DNAAF9: variants seen among roughly 807,000 people sequenced by gnomAD.
DNAAF9 encodes shulin.
Under a neutral mutation model 167.0 loss-of-function variants are expected in DNAAF9, and 90 were observed. The ratio of observed to expected loss-of-function variants is 0.54; its 90% CI spans 0.45 to 0.64. The LOEUF (loss-of-function observed/expected upper bound fraction) is 0.64. Among genes scored for constraint, DNAAF9 ranks in the 30% least tolerant of loss-of-function variants. The pLI, the probability that DNAAF9 is intolerant of heterozygous loss-of-function variation, is 0.00. For missense variants in DNAAF9, 1,315 were observed against 1,442.2 expected, an observed-to-expected ratio of 0.91 and a Z score of 1.43; for synonymous variants, 491 against 508.8, an observed-to-expected ratio of 0.96 and a Z score of 0.47.
intron 1 of DNAAF9, among the ~76,000 whole-genome samples, chr20:3,401,364 C>A (rs1407587485): frequency 1.3e-5 from 2 of 152,006 alleles, no homozygotes; most frequent in Non-Finnish European, 2.9e-5. Context: ...CGTCACTAGG[C>A]CTAATTTTTG....
chr20:3,300,197 C>G (rs375091904), intron 21 of DNAAF9, among the ~76,000 whole-genome samples: 1 of 152,120 alleles, frequency 6.6e-6, no homozygotes, highest in Admixed American at 6.6e-5. Context: ...AGCCACTGCG[C>G]CCGGCAGCGT....
At chr20:3,312,804 C>T (rs2123022604) in intron 20 of DNAAF9, among the ~76,000 whole-genome samples, 1 of 152,280 alleles carries the variant, frequency 6.6e-6, no homozygotes, top group South Asian at 2.1e-4. Flanking sequence ...AAATGCTTAT[C>T]CACAGGAAGG....
At chr20:3,371,907 T>C (rs1007302812) in intron 6 of DNAAF9, among the ~76,000 whole-genome samples, 3 of 152,062 alleles carry the variant, frequency 2.0e-5, no homozygotes, top group African/African-American at 7.2e-5. Context: ...AAGGAGGAAG[T>C]TAGAGGCAGA....
chr20:3,265,701 G>C (rs1246397883), intron 30 of DNAAF9, among the ~76,000 whole-genome samples: 4 of 144,476 alleles, frequency 2.8e-5, no homozygotes, highest in Admixed American at 7.0e-5. Flanking sequence ...TTTTGAGACA[G>C]AGTTTCGCTC....
At chr20:3,402,722 C>T (rs1037234592) in intron 1 of DNAAF9, among the ~76,000 whole-genome samples, 2 of 152,092 alleles carry the variant, frequency 1.3e-5, no homozygotes, top group East Asian at 1.9e-4. Flanking sequence ...GAATCACAGG[C>T]GCATGCCACC....
intron 16 of DNAAF9, among the ~76,000 whole-genome samples, 183 bp downstream of exon 16, chr20:3,322,034 C>T (rs1289943663): frequency 6.6e-6 from 1 of 152,208 alleles, no homozygotes; most frequent in Non-Finnish European, 1.5e-5. Context: ...CCTAGCACAG[C>T]TACCTGGGTA....
chr20:3,322,115 G>C lies in DNAAF9; in HGVS notation c.1356+102C>G, dbSNP rs754055529. 3.0e-5 allele frequency: 23 copies of C among 760,034 alleles called. No individual in the cohort carries two copies. The Middle Eastern group carries it at 9.7e-4, about 32-fold the overall frequency. 47.1% of individuals were successfully genotyped at this position (760,034 alleles called of 1,614,324 possible). A position where few individuals can be genotyped will look rare whatever the true frequency, so the allele number is the denominator to read the frequency against. On this transcript the variant is annotated intron_variant, in intron 16 of 36. Transcript: ENST00000252032. ...TGAGAGAAGATCAGCTTCTTCAGGT[G>C]GGGTGGGCTGCCCAAGACCCCCACC...
intron 14 of DNAAF9, among the ~76,000 whole-genome samples, 183 bp from the exon 15 acceptor site, chr20:3,322,879 C>A (rs1453992004): frequency 2.0e-5 from 3 of 151,986 alleles, no homozygotes; most frequent in African/African-American, 7.3e-5. Context: ...AGGTATGAGG[C>A]CAGAATCTGA....
At chr20:3,386,428 G>A (rs1027726574) in intron 1 of DNAAF9, among the ~76,000 whole-genome samples, 7 of 151,986 alleles carry the variant, frequency 4.6e-5, no homozygotes, top group East Asian at 1.9e-4. Context: ...GGATATCTAC[G>A]GGCAAAAATG....
intron 1 of DNAAF9, among the ~76,000 whole-genome samples, chr20:3,407,002 G>T (rs546362792): frequency 6.6e-6 from 1 of 152,152 alleles, no homozygotes; most frequent in African/African-American, 2.4e-5. Context: ...CCATTTGGGG[G>T]TTCTACACGA....
intron 7 of DNAAF9, among the ~76,000 whole-genome samples, chr20:3,356,036 A>AT (rs1392498587): frequency 6.6e-6 from 1 of 151,778 alleles, no homozygotes; most frequent in South Asian, 2.1e-4. Context: ...ACTTTTATTT[A>AT]TTTTTTTAGA....
At position 3,374,169 on chromosome 20, in the gene DNAAF9, TACA is replaced by T. The variant is rs773893351; in HGVS notation, c.506-18_506-16del. 4 of 1,517,716 alleles carry T rather than the reference TACA, an allele frequency of 2.6e-6. No homozygotes were observed. The highest frequency in any genetic ancestry group is 3.7e-6 in the Non-Finnish European group (4 of 1,092,292). The allele number at this position is 1,517,716 out of a possible 1,614,324, so 94.0% of individuals were successfully genotyped here. The stretch of plus-strand genomic sequence containing the variant: ...CTGCAAGTGACCTAGAAGAATCAAA[TACA>T]ACAACACATATCAGATACCATCCTG... On this transcript the variant is annotated splice_polypyrimidine_tract_variant and intron_variant, in intron 5 of 36. Coordinates refer to ENST00000252032, the MANE Select transcript of DNAAF9 (RefSeq NM_001009984.3).
At chr20:3,271,805 G>C (rs1039501350) in intron 29 of DNAAF9, among the ~76,000 whole-genome samples, 11 of 151,928 alleles carry the variant, frequency 7.2e-5, no homozygotes, top group African/African-American at 2.7e-4. Context: ...ATTTTTAGTA[G>C]AGATGGGGTT....
intron 10 of DNAAF9, among the ~76,000 whole-genome samples, chr20:3,333,896 G>C (rs1318381255): frequency 6.6e-6 from 1 of 152,134 alleles, no homozygotes; most frequent in Admixed American, 6.5e-5. Flanking sequence ...ATTTCTCTCA[G>C]GAAAGAACTT....
At position 3,330,630 on chromosome 20, in the gene DNAAF9, A is replaced by G; in HGVS notation, c.1100+16T>C. ...ACTCAACTTTGAGAAAGAAAAAATAAAATATGAAGACTTACATTTGTTCAG... is the reference window on the plus strand; with the variant it reads ...ACTCAACTTTGAGAAAGAAAAAATAGAATATGAAGACTTACATTTGTTCAG... On this transcript the variant is annotated intron_variant, in intron 12 of 36. Coordinates refer to ENST00000252032, the MANE Select transcript of DNAAF9 (RefSeq NM_001009984.3). 6.5e-7 allele frequency: 1 copy of G among 1,543,128 alleles called. No homozygotes were observed. The highest frequency in any genetic ancestry group is 8.9e-7 in the Non-Finnish European group (1 of 1,119,102).
chr20:3,326,511 C>T (rs983351672), intron 12 of DNAAF9, among the ~76,000 whole-genome samples: 4 of 152,042 alleles, frequency 2.6e-5, no homozygotes, highest in South Asian at 2.1e-4. Context: ...ATGGGCAGAT[C>T]GCTTGAGCCC....
At chr20:3,363,067 A>G (rs1343237870) in intron 6 of DNAAF9, among the ~76,000 whole-genome samples, 2 of 152,024 alleles carry the variant, frequency 1.3e-5, no homozygotes, top group African/African-American at 4.8e-5. Context: ...CGTCTCTACT[A>G]ATAATACAAA....
chr20:3,285,825 C>A (rs1014722636), intron 27 of DNAAF9, among the ~76,000 whole-genome samples: 2 of 151,020 alleles, frequency 1.3e-5, no homozygotes, highest in East Asian at 3.9e-4. Flanking sequence ...CTAAAAAATA[C>A]AAAAATTACT....
At chr20:3,348,966 G>A (rs1366155858) in intron 7 of DNAAF9, among the ~76,000 whole-genome samples, 2 of 152,046 alleles carry the variant, frequency 1.3e-5, no homozygotes, top group Non-Finnish European at 1.5e-5. Flanking sequence ...TCTGGGCGAT[G>A]AAAATGTTCT....
Sources: gnomAD v4.1 joint callset for allele counts (sites outside exome capture counted in the v4.1 genomes callset) on GRCh38, gnomAD v4.1.1 for gene constraint, MANE v1.5 for transcripts, NCBI Gene and HGNC (gene_info 2026-07-23, HGNC 2026-07-21) for gene names.